Variants in AGBL4 observed in about 807,000 individuals in gnomAD.
AGBL4 encodes cytosolic carboxypeptidase 6.
In AGBL4, 58 loss-of-function variants were observed where a neutral mutation model predicts 66.4. The ratio of observed to expected loss-of-function variants is 0.87; its 90% CI spans 0.71 to 1.09. The LOEUF (loss-of-function observed/expected upper bound fraction) is 1.09, where lower values mean the gene tolerates loss of function less well. AGBL4 is among the 50% of genes least tolerant of loss of function. The probability of loss-of-function intolerance (pLI) is 0.00; values close to 1 mark genes in which losing one functional copy is unlikely to be tolerated. For synonymous variants in AGBL4, 234 were observed against 222.9 expected, an observed-to-expected ratio of 1.05 and a Z score of -0.44; for missense variants, 579 against 631.0, an observed-to-expected ratio of 0.92 and a Z score of 0.88.
intron 3 of AGBL4, among the ~76,000 whole-genome samples, chr1:49,299,035 T>C (rs1644695804): frequency 6.6e-6 from 1 of 152,208 alleles, no homozygotes; most frequent in Non-Finnish European, 1.5e-5. Context: ...TGCCGTTTAC[T>C]AAGTCCTTAT....
intron 4 of AGBL4, among the ~76,000 whole-genome samples, chr1:49,100,429 T>A (rs1315555256): frequency 6.6e-6 from 1 of 152,202 alleles, no homozygotes; most frequent in Non-Finnish European, 1.5e-5. Flanking sequence ...TCCCAGGAAC[T>A]GGGGCAATAT....
chr1:49,388,877 G>T (rs755150919), intron 3 of AGBL4, among the ~76,000 whole-genome samples: 25 of 152,168 alleles, frequency 1.6e-4, no homozygotes, highest in Admixed American at 5.9e-4. Flanking sequence ...GGAGGTAACA[G>T]AATGGCTGAG....
intron 1 of AGBL4, among the ~76,000 whole-genome samples, chr1:49,886,009 G>GA (rs1302752795): frequency 1.3e-5 from 2 of 152,016 alleles, no homozygotes; most frequent in African/African-American, 2.4e-5. Context: ...CAGTTGTGGG[G>GA]AAAAAAACAG....
At chr1:49,631,334 G>A (rs1645566307) in intron 3 of AGBL4, among the ~76,000 whole-genome samples, 1 of 152,188 alleles carries the variant, frequency 6.6e-6, no homozygotes, top group African/African-American at 2.4e-5. Flanking sequence ...AACTACCAAA[G>A]TGTCTCACTG....
intron 3 of AGBL4, among the ~76,000 whole-genome samples, chr1:49,572,649 T>C (rs1016675059): frequency 6.6e-6 from 1 of 152,230 alleles, no homozygotes; most frequent in African/African-American, 2.4e-5. Flanking sequence ...GAGCTATTTA[T>C]AGTATTCTCT....
intron 2 of AGBL4, chr1:49,845,855 C>T: frequency 1.4e-6 from 2 of 1,443,360 alleles, no homozygotes; most frequent in Non-Finnish European, 1.9e-6. Context: ...TGTGGGAAGG[C>T]CTTCCTTCTG....
chr1:49,813,839 C>T (rs906776904), intron 2 of AGBL4, among the ~76,000 whole-genome samples: 1 of 152,016 alleles, frequency 6.6e-6, no homozygotes. Flanking sequence ...GTGTCCCCAC[C>T]CAAATCTCAT....
intron 3 of AGBL4, among the ~76,000 whole-genome samples, chr1:49,473,627 T>A (rs947972503): frequency 6.6e-6 from 1 of 152,150 alleles, no homozygotes; most frequent in African/African-American, 2.4e-5. Context: ...GAAGACACTG[T>A]TTAGTTTAAT....
chr1:49,919,082 T>C (rs992477637), intron 1 of AGBL4, among the ~76,000 whole-genome samples: 14 of 152,130 alleles, frequency 9.2e-5, no homozygotes, highest in African/African-American at 3.4e-4. Context: ...ATGGGACATA[T>C]CTCAAAATAA....
intron 3 of AGBL4, among the ~76,000 whole-genome samples, chr1:49,379,120 T>C (rs1323203529): frequency 6.6e-6 from 1 of 152,018 alleles, no homozygotes; most frequent in Admixed American, 6.6e-5. Context: ...GGGTCTAAAC[T>C]CAAGAGCATT....
chr1:49,494,442 C>T (rs891805462), intron 3 of AGBL4, among the ~76,000 whole-genome samples: 7 of 151,846 alleles, frequency 4.6e-5, no homozygotes, highest in Admixed American at 1.3e-4. Context: ...CACCCCACAA[C>T]GTCCCCAGAG....
chr1:48,882,096 C>T (rs3923544), intron 5 of AGBL4, among the ~76,000 whole-genome samples: 1 of 152,012 alleles, frequency 6.6e-6, no homozygotes, highest in Admixed American at 6.6e-5. Context: ...TCTAGCTTTG[C>T]TGCCCTTGGG....
intron 3 of AGBL4, among the ~76,000 whole-genome samples, chr1:49,639,540 T>C (rs1328226281): frequency 1.3e-5 from 2 of 152,200 alleles, no homozygotes; most frequent in Non-Finnish European, 2.9e-5. Context: ...TAATAAGTGG[T>C]AGAGCCTGGA....
At chr1:48,564,856 A>T (rs1644451062) in intron 11 of AGBL4, among the ~76,000 whole-genome samples, 2 of 152,148 alleles carry the variant, frequency 1.3e-5, no homozygotes, top group Non-Finnish European at 1.5e-5. Context: ...CCAGTTGATG[A>T]CTGTTGATGG....
chr1:49,880,781 A>T (rs1006892014), intron 1 of AGBL4, among the ~76,000 whole-genome samples: 10 of 151,430 alleles, frequency 6.6e-5, no homozygotes, highest in Admixed American at 5.3e-4. Flanking sequence ...TTGCAGTTTG[A>T]TCTCAGACTG....
chr1:49,713,546 T>C (rs142293762), intron 2 of AGBL4, among the ~76,000 whole-genome samples: 5 of 152,130 alleles, frequency 3.3e-5, no homozygotes, highest in Admixed American at 3.3e-4. Context: ...TCCAAGCAAA[T>C]TGTTTTATTC....
chr1:48,561,499 T>C (rs1436033483), intron 11 of AGBL4, among the ~76,000 whole-genome samples: 1 of 152,224 alleles, frequency 6.6e-6, no homozygotes, highest in Non-Finnish European at 1.5e-5. Context: ...TGATGGTTCA[T>C]TTTATGTGTC....
intron 6 of AGBL4, among the ~76,000 whole-genome samples, chr1:48,794,644 G>A (rs1175194143): frequency 2.0e-5 from 3 of 152,108 alleles, no homozygotes; most frequent in Non-Finnish European, 4.4e-5. Context: ...TCCAGAAAAT[G>A]TTTTTCCTCT....
At chr1:49,395,377 A>G (rs958909184) in intron 3 of AGBL4, among the ~76,000 whole-genome samples, 7 of 152,116 alleles carry the variant, frequency 4.6e-5, no homozygotes, top group Non-Finnish European at 1.0e-4. Flanking sequence ...CATGGCAGGT[A>G]TTAAATAAGT....
Sources: allele counts gnomAD v4.1 joint callset (sites outside exome capture counted in the v4.1 genomes callset), GRCh38; gene constraint gnomAD v4.1.1; transcripts MANE v1.5; gene names NCBI Gene and HGNC (gene_info 2026-07-23, HGNC 2026-07-21).